NDUFAF2: variants seen among roughly 807,000 people sequenced by gnomAD.
The protein encoded by NDUFAF2 is NADH dehydrogenase [ubiquinone] 1 alpha subcomplex assembly factor 2.
A neutral mutation model predicts 22.8 loss-of-function variants in NDUFAF2; 13 were observed. The ratio of observed to expected loss-of-function variants is 0.57; its 90% CI spans 0.37 to 0.91. The LOEUF (loss-of-function observed/expected upper bound fraction) is 0.91. Among genes scored for constraint, NDUFAF2 ranks in the 40% least tolerant of loss-of-function variants. The pLI is 0.01. For synonymous variants in NDUFAF2, 53 were observed against 64.2 expected (o/e 0.83, Z 0.84); for missense variants, 162 against 195.2 (o/e 0.83, Z 1.01).
At chr5:61,106,280 C>G (rs1752761413) in intron 3 of NDUFAF2, among the ~76,000 whole-genome samples, 1 of 151,378 alleles carries the variant, frequency 6.6e-6, no homozygotes, top group Middle Eastern at 3.2e-3. Context: ...ACAAATCTGA[C>G]AGATACCACC....
At chr5:61,134,200 G>A (rs1283692343) in intron 3 of NDUFAF2, among the ~76,000 whole-genome samples, 1 of 152,088 alleles carries the variant, frequency 6.6e-6, no homozygotes, top group Non-Finnish European at 1.5e-5. Context: ...TTATGTAAGG[G>A]TGGAGAAAGA....
chr5:60,967,991 G>C (rs67490467), intron 1 of NDUFAF2, among the ~76,000 whole-genome samples: 58,280 of 150,958 alleles, frequency 0.39, 12,244 homozygotes, highest in East Asian at 0.8. Context: ...TTTAATGAGA[G>C]ACTTTATTAC....
intron 1 of NDUFAF2, among the ~76,000 whole-genome samples, chr5:61,044,746 A>C (rs1048756397): frequency 3.3e-5 from 5 of 152,114 alleles, no homozygotes; most frequent in African/African-American, 1.2e-4. Context: ...TAGATTTTCA[A>C]ATCTGATAGT....
chr5:61,000,655 AG>A, intron 1 of NDUFAF2, among the ~76,000 whole-genome samples: 1 of 21,034 alleles, frequency 4.8e-5, no homozygotes, highest in Non-Finnish European at 9.5e-5. Context: ...TTCTCATTTA[AG>A]AAGACCTGGA....
chr5:61,058,826 C>G (rs1178009576), intron 1 of NDUFAF2, among the ~76,000 whole-genome samples: 1 of 151,982 alleles, frequency 6.6e-6, no homozygotes, highest in Non-Finnish European at 1.5e-5. Context: ...ACACATCAAT[C>G]AAAACCTGAA....
chr5:60,950,598 C>T (rs1419865499), intron 1 of NDUFAF2, among the ~76,000 whole-genome samples: 2 of 147,680 alleles, frequency 1.4e-5, no homozygotes, highest in African/African-American at 2.5e-5. Context: ...TCTTATGAAT[C>T]GATGTTGAAT....
rs1370858189 is a variant in NDUFAF2 at position 61,073,110 on chromosome 5, A to C, written c.128-15A>C. ...AGGTTCATTTAAAAATGTATTAATG[A>C]CTTTTGTCTTATAGGACAAACTATT... On this transcript the variant is annotated splice_polypyrimidine_tract_variant and intron_variant, in intron 1 of 3. Transcript: ENST00000296597. 1 of 1,523,390 alleles carries C rather than the reference A, an allele frequency of 6.6e-7. No individual in the cohort carries two copies. Among genetic ancestry groups the C allele is most frequent in the Non-Finnish European group, 9.1e-7 (1 of 1,098,684 alleles). 94.4% of individuals were successfully genotyped at this position (1,523,390 alleles called of 1,614,324 possible).
chr5:61,098,904 G>C, intron 2 of NDUFAF2, 88 bp from the exon 3 acceptor site: 1 of 879,764 alleles, frequency 1.1e-6, no homozygotes, highest in Admixed American at 1.9e-5. Context: ...ATAATATGGA[G>C]TAGGTACTCA....
At chr5:61,061,182 C>T (rs1752161059) in intron 1 of NDUFAF2, among the ~76,000 whole-genome samples, 1 of 152,148 alleles carries the variant, frequency 6.6e-6, no homozygotes, top group African/African-American at 2.4e-5. Context: ...TGTGAGAACA[C>T]TATATGCAGA....
At chr5:61,132,704 A>G (rs1328844071) in intron 3 of NDUFAF2, among the ~76,000 whole-genome samples, 1 of 152,100 alleles carries the variant, frequency 6.6e-6, no homozygotes, top group African/African-American at 2.4e-5. Flanking sequence ...TGGTTTCATC[A>G]GCTGCTGCTC....
chr5:60,982,176 C>T (rs1750992834), intron 1 of NDUFAF2, among the ~76,000 whole-genome samples: 1 of 152,100 alleles, frequency 6.6e-6, no homozygotes, highest in African/African-American at 2.4e-5. Context: ...TACTCACGAT[C>T]ACTGATTATA....
rs115553442 is a variant in NDUFAF2, at chr5:60,988,719, C to G, written c.127+43337C>G. On this transcript the variant is annotated intron_variant, in intron 1 of 3. Coordinates refer to ENST00000296597, the MANE Select transcript of NDUFAF2 (RefSeq NM_174889.5). ...CTACAAATGATGCTGGGATAACTGG[C>G]TAGGTATATGTGGAAGACTGAAACT... 7.5e-3 allele frequency among the ~76,000 whole-genome samples: 1,147 copies of G among 152,260 alleles called. 13 individuals carry two copies. The highest frequency in any genetic ancestry group is 0.026 in the African/African-American group (1,086 of 41,534).
In NDUFAF2 at chr5:61,035,368, T is replaced by C. The variant is rs149261105; in HGVS notation, c.128-37757T>C. ...GGCGTGAGCCACTGCACCCAGCCAA[T>C]AGTGTATTTTTAATGGCTGGCAGAG... is the stretch of plus-strand genomic sequence containing the variant. On this transcript the variant is annotated intron_variant, in intron 1 of 3. Coordinates refer to ENST00000296597, the MANE Select transcript of NDUFAF2 (RefSeq NM_174889.5). 1.8e-3 allele frequency among the ~76,000 whole-genome samples: 274 copies of C among 149,620 alleles called. 3 individuals are homozygous for C. Among genetic ancestry groups the C allele is most frequent in the African/African-American group, 6.6e-3 (266 of 40,608 alleles).
At chr5:61,152,584 G>C in intron 3 of NDUFAF2, 120 bp from the exon 4 acceptor site, 1 of 660,000 alleles carries the variant, frequency 1.5e-6, no homozygotes, top group South Asian at 3.3e-5. Context: ...TTATTTAAAT[G>C]CAAAGTATGT....
chr5:61,135,834 G>A (rs1225514339), intron 3 of NDUFAF2, among the ~76,000 whole-genome samples: 1 of 151,332 alleles, frequency 6.6e-6, no homozygotes, highest in Non-Finnish European at 1.5e-5. Context: ...GTAGGATTGG[G>A]GTGGATTGTG....
intron 1 of NDUFAF2, among the ~76,000 whole-genome samples, chr5:61,041,684 T>C (rs1751884726): frequency 1.3e-5 from 2 of 152,180 alleles, no homozygotes; most frequent in Admixed American, 6.5e-5. Context: ...TCACTTGTAA[T>C]GGTTAAATCT....
chr5:61,093,936 A>G (rs1327946857), intron 2 of NDUFAF2, among the ~76,000 whole-genome samples: 9 of 152,106 alleles, frequency 5.9e-5, no homozygotes, highest in African/African-American at 1.4e-4. Context: ...CCTCAATTTC[A>G]GAACTTGTTA....
At chr5:60,999,451 A>C (rs974974756) in intron 1 of NDUFAF2, among the ~76,000 whole-genome samples, 10 of 152,098 alleles carry the variant, frequency 6.6e-5, no homozygotes, top group Admixed American at 5.9e-4. Context: ...TGTTATCCTA[A>C]GTAAAGAAGC....
intron 3 of NDUFAF2, among the ~76,000 whole-genome samples, chr5:61,107,665 C>CTATTATTATTATTAT (rs56936586): frequency 1.3e-5 from 2 of 148,760 alleles, no homozygotes; most frequent in African/African-American, 2.5e-5. Flanking sequence ...ATTATGATTA[C>CTATTATTATTATTAT]TATTATTATT....
Sources: allele counts gnomAD v4.1 joint callset (sites outside exome capture counted in the v4.1 genomes callset), GRCh38; gene constraint gnomAD v4.1.1; transcripts MANE v1.5; gene names NCBI Gene and HGNC (gene_info 2026-07-23, HGNC 2026-07-21).